Variants in CAPN9 observed in about 807,000 individuals in gnomAD.
CAPN9 encodes calpain 9, also known as calpain-9.
A neutral mutation model predicts 92.8 loss-of-function variants in CAPN9; 81 were observed. The observed-to-expected ratio is 0.87, with a 90% CI of 0.73 to 1.05. The LOEUF is 1.05. CAPN9 is among the 50% of genes least tolerant of loss of function. CAPN9 has a pLI of 0.00. For synonymous variants in CAPN9, 304 were observed against 328.0 expected, an observed-to-expected ratio of 0.93 and a Z score of 0.79; for missense variants, 848 against 866.2, an observed-to-expected ratio of 0.98 and a Z score of 0.26.
intron 18 of CAPN9, among the ~76,000 whole-genome samples, chr1:230,796,481 A>C (rs1018362264): frequency 2.0e-5 from 3 of 152,164 alleles, no homozygotes; most frequent in Non-Finnish European, 4.4e-5. Flanking sequence ...ACTTGCCTGA[A>C]GCACAGCCCC....
At position 230,759,618 on chromosome 1, in the gene CAPN9, A is replaced by G. The variant is rs150539773; in HGVS notation, c.390A>G (p.Ile130Met). 11 of 1,604,676 alleles carry G rather than the reference A, an allele frequency of 6.9e-6. No homozygotes were observed. In the African/African-American group the frequency reaches 1.1e-4, roughly 16 times the overall value. ...GCTTTGGCCCTGGTTATGCCGGGAT[A>G]TTCCATTTCCAGGTAAGAGGGAGCC... is the stretch of plus-strand genomic sequence containing the variant. ...DQSFGPGYAG[I>M]FHFQFWQHSE... Residue 130 changes from isoleucine to methionine, a missense_variant, in exon 3 of 20, where the codon ATA (isoleucine) becomes ATG (methionine). Physicochemically the swap from Ile to Met is conservative, Grantham distance 10. Coordinates refer to ENST00000271971, the MANE Select transcript of CAPN9 (RefSeq NM_006615.3).
intron 2 of CAPN9, among the ~76,000 whole-genome samples, chr1:230,758,054 A>G (rs987632997): frequency 6.6e-6 from 1 of 152,162 alleles, no homozygotes; most frequent in African/African-American, 2.4e-5. Flanking sequence ...AGCCCCATCC[A>G]TCTGCCCAGG....
chr1:230,754,042 G>C (rs1665041731), intron 1 of CAPN9, among the ~76,000 whole-genome samples: 4 of 151,174 alleles, frequency 2.6e-5, no homozygotes. Context: ...CGAAACAACA[G>C]CTTCTGGGAG....
chr1:230,763,706 T>A (rs560691456), intron 4 of CAPN9, among the ~76,000 whole-genome samples: 1 of 152,308 alleles, frequency 6.6e-6, no homozygotes, highest in South Asian at 2.1e-4. Context: ...TGCTTCTACC[T>A]CCAAGTGGGA....
intron 6 of CAPN9, 30 bp downstream of exon 6, chr1:230,769,293 A>C: frequency 1.4e-6 from 2 of 1,451,018 alleles, no homozygotes; most frequent in Non-Finnish European, 1.9e-6. Flanking sequence ...ACTGCAGGCT[A>C]TGGGGAGACA....
intron 6 of CAPN9, among the ~76,000 whole-genome samples, chr1:230,771,034 T>A (rs539477305): frequency 6.6e-6 from 1 of 152,306 alleles, no homozygotes; most frequent in South Asian, 2.1e-4. Flanking sequence ...CAAGCAGGCA[T>A]GTGATGTTTC....
chr1:230,747,779 A>G, intron 1 of CAPN9, 70 bp downstream of exon 1: 1 of 1,409,538 alleles, frequency 7.1e-7, no homozygotes. Flanking sequence ...GGAAGTGGAA[A>G]CAGGGGTGCT....
At chr1:230,769,091 T>G (rs1666205562) in intron 5 of CAPN9, 89 bp from the exon 6 acceptor site, 1 of 1,032,062 alleles carries the variant, frequency 9.7e-7, no homozygotes, top group South Asian at 1.4e-5. Context: ...CTGGAGGTTG[T>G]GACCGGGCCA....
At chr1:230,795,116 G>C in intron 17 of CAPN9, 47 bp from the exon 18 acceptor site, 5 of 1,237,694 alleles carry the variant, frequency 4.0e-6, no homozygotes, top group Non-Finnish European at 5.9e-6. Context: ...GACTCACCTC[G>C]GGGCTCGGAT....
intron 19 of CAPN9, among the ~76,000 whole-genome samples, chr1:230,798,932 G>A (rs894980177): frequency 3.9e-5 from 6 of 152,224 alleles, no homozygotes; most frequent in African/African-American, 1.4e-4. Flanking sequence ...GCTTGGGAAC[G>A]CTCTTGAGAC....
intron 7 of CAPN9, among the ~76,000 whole-genome samples, chr1:230,773,408 C>T (rs1436709124): frequency 6.6e-6 from 1 of 152,172 alleles, no homozygotes; most frequent in Admixed American, 6.5e-5. Context: ...TGTGCAGTGC[C>T]CCTCAACTTT....
intron 8 of CAPN9, among the ~76,000 whole-genome samples, chr1:230,778,434 AG>A (rs1372511487): frequency 3.3e-5 from 5 of 152,164 alleles, no homozygotes; most frequent in African/African-American, 4.8e-5. Flanking sequence ...GCCTTCTAAA[AG>A]CTCTCCATCT....
At chr1:230,782,678 T>A (rs1558108549) in intron 11 of CAPN9, among the ~76,000 whole-genome samples, 1 of 152,072 alleles carries the variant, frequency 6.6e-6, no homozygotes, top group Non-Finnish European at 1.5e-5. Flanking sequence ...GAATCAGGAA[T>A]TTACATCTGT....
At chr1:230,762,064 T>G (rs1665681465) in intron 3 of CAPN9, among the ~76,000 whole-genome samples, 1 of 152,164 alleles carries the variant, frequency 6.6e-6, no homozygotes, top group South Asian at 2.1e-4. Context: ...TACACATGTG[T>G]GCGCACATGC....
chr1:230,750,965 A>G (rs1458487836), intron 1 of CAPN9, among the ~76,000 whole-genome samples: 2 of 152,148 alleles, frequency 1.3e-5, no homozygotes, highest in Non-Finnish European at 2.9e-5. Context: ...AAAGAGGAGG[A>G]GGGAGTATCG....
At chr1:230,798,268 CA>C in intron 19 of CAPN9, 48 bp downstream of exon 19, 3 of 1,260,178 alleles carry the variant, frequency 2.4e-6, no homozygotes, top group Middle Eastern at 3.7e-4. Flanking sequence ...TGGGGCCCAG[CA>C]GAGTCCACGC....
At chr1:230,786,361 C>T (rs1667584795) in intron 12 of CAPN9, 1 of 165,518 alleles carries the variant, frequency 6.0e-6, no homozygotes, top group Admixed American at 6.5e-5. Flanking sequence ...TGGGAAGGTG[C>T]ATGCCATAGT....
At chr1:230,794,629 A>T (rs1163689845) in intron 17 of CAPN9, among the ~76,000 whole-genome samples, 1 of 152,190 alleles carries the variant, frequency 6.6e-6, no homozygotes, top group Non-Finnish European at 1.5e-5. Flanking sequence ...CCTCCTGGCT[A>T]TAGCCTGTCA....
intron 18 of CAPN9, among the ~76,000 whole-genome samples, chr1:230,796,635 A>G (rs991579835): frequency 1.3e-5 from 2 of 152,172 alleles, no homozygotes; most frequent in African/African-American, 4.8e-5. Context: ...GGCTTTCCCT[A>G]AGGGGTTACT....
Sources: allele counts gnomAD v4.1 joint callset (sites outside exome capture counted in the v4.1 genomes callset), GRCh38; gene constraint gnomAD v4.1.1; transcripts MANE v1.5; gene names NCBI Gene and HGNC (gene_info 2026-07-23, HGNC 2026-07-21).